Variants in LINGO2 observed in about 807,000 individuals in gnomAD.
LINGO2 encodes the protein leucine rich repeat and Ig domain containing 2.
In LINGO2, 14 loss-of-function variants were observed where a neutral mutation model predicts 30.6. The ratio of observed to expected loss-of-function variants is 0.46; its 90% CI spans 0.30 to 0.72. LINGO2 has a LOEUF of 0.72. LINGO2 is among the 30% of genes least tolerant of loss of function. The pLI is 0.07. For missense variants in LINGO2, 729 were observed against 751.7 expected (o/e 0.97, Z 0.35); for synonymous variants, 317 against 288.5 (o/e 1.10, Z -1.00).
the LINGO2 span, chr9:27,942,017 CTTATG>C: frequency 2.0e-5 from 3 of 152,060 alleles, no homozygotes; most frequent in Non-Finnish European, 4.4e-5. Flanking sequence ...CCATTACTTG[CTTATG>C]TTATTAAGTC....
chr9:28,239,664 C>T (rs566620399), intron 4 of LINGO2, among the ~76,000 whole-genome samples: 1 of 152,222 alleles, frequency 6.6e-6, no homozygotes, highest in South Asian at 2.1e-4. Context: ...ATGACAAACC[C>T]ATAGCTAGTA....
chr9:29,191,757 A>C, the LINGO2 span, among the ~76,000 whole-genome samples: 1 of 152,144 alleles, frequency 6.6e-6, no homozygotes, highest in South Asian at 2.1e-4. Context: ...AACATTTTTG[A>C]AGCACTTATT....
chr9:29,187,638 G>A, the LINGO2 span, among the ~76,000 whole-genome samples: 1 of 152,136 alleles, frequency 6.6e-6, no homozygotes, highest in African/African-American at 2.4e-5. Context: ...AGGTGCTTAA[G>A]TGGGAAATAC....
At chr9:29,076,110 T>A in the LINGO2 span, among the ~76,000 whole-genome samples, 4 of 151,886 alleles carry the variant, frequency 2.6e-5, no homozygotes, top group African/African-American at 9.7e-5. Context: ...ACTCCTGGCC[T>A]CAAGTGGTCA....
At chr9:28,079,805 G>T (rs974569397) in intron 4 of LINGO2, among the ~76,000 whole-genome samples, 1 of 152,120 alleles carries the variant, frequency 6.6e-6, no homozygotes, top group Non-Finnish European at 1.5e-5. Context: ...CCTTTGTCCT[G>T]CATCCTTGAC....
chr9:29,213,089 C>G, the LINGO2 span, among the ~76,000 whole-genome samples: 1 of 152,222 alleles, frequency 6.6e-6, no homozygotes, highest in Non-Finnish European at 1.5e-5. Context: ...ACCATAGAGG[C>G]GCCTCCAAGC....
chr9:28,532,802 T>C (rs1007253023), intron 1 of LINGO2, among the ~76,000 whole-genome samples: 2 of 152,060 alleles, frequency 1.3e-5, no homozygotes, highest in African/African-American at 4.8e-5. Flanking sequence ...TGACTACAAG[T>C]ATCTCTACCC....
At chr9:28,001,465 C>T (rs1236878520) in intron 5 of LINGO2, among the ~76,000 whole-genome samples, 1 of 152,192 alleles carries the variant, frequency 6.6e-6, no homozygotes, top group East Asian at 1.9e-4. Flanking sequence ...TTTCAACTCC[C>T]AGATAAGAAA....
At chr9:29,057,714 G>T in the LINGO2 span, among the ~76,000 whole-genome samples, 2 of 152,074 alleles carry the variant, frequency 1.3e-5, no homozygotes, top group African/African-American at 4.8e-5. Flanking sequence ...ATACTTAATT[G>T]AGCATGCATC....
chr9:28,443,529 T>C (rs1824282665), intron 2 of LINGO2, among the ~76,000 whole-genome samples: 1 of 152,230 alleles, frequency 6.6e-6, no homozygotes, highest in South Asian at 2.1e-4. Flanking sequence ...AGGCTTGATG[T>C]GCCTGCTCCT....
chr9:28,086,302 A>G (rs923218270), intron 4 of LINGO2, among the ~76,000 whole-genome samples: 2 of 152,236 alleles, frequency 1.3e-5, no homozygotes, highest in East Asian at 3.9e-4. Flanking sequence ...ATTCAGATTT[A>G]AAAAATGATA....
Position 28,359,437 on chromosome 9 carries a change from T to C in LINGO2, c.-246+13399A>G, listed in dbSNP as rs547792922. 3.9e-5 allele frequency among the ~76,000 whole-genome samples: 6 copies of C among 152,120 alleles called. No individual in the cohort carries two copies. In the South Asian group the frequency reaches 1.2e-3, roughly 32 times the overall value. ...AAACATTGGTCCCAGAGTAATACCA[T>C]TTCCTGTCCCCACACACACCACACA... On this transcript the variant is annotated intron_variant, in intron 3 of 5. Transcript: ENST00000379992.
intron 1 of LINGO2, among the ~76,000 whole-genome samples, chr9:28,601,662 C>T (rs1263282834): frequency 6.6e-6 from 1 of 152,080 alleles, no homozygotes; most frequent in Non-Finnish European, 1.5e-5. Context: ...GTTAGCACCT[C>T]ATGTAGCACT....
intron 2 of LINGO2, among the ~76,000 whole-genome samples, chr9:28,456,129 T>C (rs1397622673): frequency 6.6e-6 from 1 of 152,214 alleles, no homozygotes; most frequent in African/African-American, 2.4e-5. Context: ...TGTGTTGTGT[T>C]TTATAAGCCA....
chr9:28,790,389 T>G, the LINGO2 span, among the ~76,000 whole-genome samples: 3 of 147,010 alleles, frequency 2.0e-5, no homozygotes, highest in African/African-American at 7.6e-5. Flanking sequence ...AGTGCAGTCG[T>G]GCGATCTCGG....
At chr9:28,905,796 T>C in the LINGO2 span, among the ~76,000 whole-genome samples, 4 of 152,028 alleles carry the variant, frequency 2.6e-5, no homozygotes, top group African/African-American at 9.7e-5. Context: ...GATCCAGCAA[T>C]CCCACTTTTG....
At chr9:29,200,256 T>A in the LINGO2 span, among the ~76,000 whole-genome samples, 14 of 152,012 alleles carry the variant, frequency 9.2e-5, no homozygotes, top group African/African-American at 2.2e-4. Flanking sequence ...CAAATAGTAA[T>A]GCTGGGCAGA....
the LINGO2 span, among the ~76,000 whole-genome samples, chr9:29,145,950 G>T: frequency 6.6e-6 from 1 of 152,088 alleles, no homozygotes; most frequent in African/African-American, 2.4e-5. Context: ...TTATAATTCA[G>T]AACATCTCAG....
intron 1 of LINGO2, among the ~76,000 whole-genome samples, chr9:28,569,174 T>C (rs957486570): frequency 5.3e-5 from 8 of 151,994 alleles, no homozygotes; most frequent in South Asian, 2.1e-4. Flanking sequence ...AAGTAAACTT[T>C]GTACACTGTT....
Sources: gnomAD v4.1 joint callset for allele counts (sites outside exome capture counted in the v4.1 genomes callset) on GRCh38, gnomAD v4.1.1 for gene constraint, MANE v1.5 for transcripts, NCBI Gene and HGNC (gene_info 2026-07-23, HGNC 2026-07-21) for gene names.